The following HIBADH variants were observed in gnomAD, a reference collection of about 807,000 sequenced individuals.
HIBADH encodes 3-hydroxyisobutyrate dehydrogenase, mitochondrial.
Under a neutral mutation model 36.1 loss-of-function variants are expected in HIBADH, and 25 were observed. That is an observed-to-expected ratio of 0.69 (90% confidence interval 0.50 to 0.97). The LOEUF (loss-of-function observed/expected upper bound fraction) is 0.97. HIBADH is among the 50% of genes least tolerant of loss of function. HIBADH has a pLI of 0.00. For synonymous variants in HIBADH, 160 were observed against 149.5 expected (o/e 1.07, Z -0.51); for missense variants, 421 against 418.0 (o/e 1.01, Z -0.06).
chr7:27,586,615 T>G (rs1028041689), intron 4 of HIBADH, among the ~76,000 whole-genome samples: 3 of 150,236 alleles, frequency 2.0e-5, no homozygotes, highest in Non-Finnish European at 4.4e-5. Context: ...TGACCAGAAA[T>G]GAAGGGGAAG....
intron 1 of HIBADH, among the ~76,000 whole-genome samples, chr7:27,652,958 G>A (rs1399874780): frequency 6.6e-6 from 1 of 152,032 alleles, no homozygotes; most frequent in Non-Finnish European, 1.5e-5. Flanking sequence ...GTGAAACCCA[G>A]TCTTTACTAA....
At chr7:27,559,390 G>A (rs909532677) in intron 4 of HIBADH, among the ~76,000 whole-genome samples, 1 of 152,166 alleles carries the variant, frequency 6.6e-6, no homozygotes, top group African/African-American at 2.4e-5. Context: ...ATGAGACCAA[G>A]GCAGGGGGAT....
chr7:27,573,393 C>CAATT (rs138487276), intron 4 of HIBADH, among the ~76,000 whole-genome samples: 326 of 152,270 alleles, frequency 2.1e-3, no homozygotes, highest in African/African-American at 7.6e-3. Flanking sequence ...TCTGTTATGG[C>CAATT]AATTACCGAT....
chr7:27,538,433 G>A lies in HIBADH; in HGVS notation c.619-16C>T, dbSNP rs748646570. The A allele has an allele frequency of 6.2e-7, 1 of 1,605,044 alleles. No homozygotes were observed. The highest frequency in any genetic ancestry group is 1.1e-5 in the South Asian group (1 of 90,864). On this transcript the variant is annotated splice_polypyrimidine_tract_variant and intron_variant, in intron 5 of 7. Transcript: ENST00000265395. ...TCTTTGCCGCCTGAAAATAAATTGA[G>A]TACATATTAAATATCTGTATTTTCA...
At chr7:27,646,885 G>A (rs1329217294) in intron 2 of HIBADH, among the ~76,000 whole-genome samples, 4 of 151,812 alleles carry the variant, frequency 2.6e-5, no homozygotes, top group South Asian at 2.1e-4. Context: ...TAGTAGAGCC[G>A]GGGTTTCGCC....
At chr7:27,626,470 T>C (rs1273740569) in intron 4 of HIBADH, among the ~76,000 whole-genome samples, 3 of 152,130 alleles carry the variant, frequency 2.0e-5, no homozygotes, top group Non-Finnish European at 4.4e-5. Context: ...TTCTTTCTAA[T>C]AAGGATAATG....
At chr7:27,593,547 C>T (rs938790142) in intron 4 of HIBADH, among the ~76,000 whole-genome samples, 5 of 152,126 alleles carry the variant, frequency 3.3e-5, no homozygotes, top group South Asian at 4.1e-4. Context: ...TCCTTCAAAC[C>T]AAAGCTACCA....
intron 4 of HIBADH, among the ~76,000 whole-genome samples, chr7:27,603,243 T>C (rs1183132006): frequency 1.3e-5 from 2 of 152,170 alleles, no homozygotes; most frequent in East Asian, 3.8e-4. Flanking sequence ...CCAGAATCCA[T>C]AGTGTTAAAA....
chr7:27,535,755 CTTTT>C (rs201314026), intron 6 of HIBADH, among the ~76,000 whole-genome samples: 1 of 145,374 alleles, frequency 6.9e-6, no homozygotes, highest in Non-Finnish European at 1.5e-5. Flanking sequence ...TTACTCTTTA[CTTTT>C]TTTTTTTAAC....
intron 4 of HIBADH, among the ~76,000 whole-genome samples, chr7:27,559,751 T>C (rs1784439591): frequency 6.6e-6 from 1 of 152,240 alleles, no homozygotes; most frequent in Non-Finnish European, 1.5e-5. Context: ...AAACGTTTTA[T>C]CTGTGGCCAG....
intron 4 of HIBADH, among the ~76,000 whole-genome samples, chr7:27,590,538 C>T (rs758562442): frequency 6.6e-6 from 1 of 152,142 alleles, no homozygotes; most frequent in African/African-American, 2.4e-5. Context: ...TCTCATGGAA[C>T]CAAGTCAGCA....
At chr7:27,549,815 A>G (rs1334312365) in intron 4 of HIBADH, among the ~76,000 whole-genome samples, 2 of 152,234 alleles carry the variant, frequency 1.3e-5, no homozygotes, top group East Asian at 3.8e-4. Flanking sequence ...TTTATTTGAT[A>G]TAAGAATGAA....
intron 1 of HIBADH, among the ~76,000 whole-genome samples, chr7:27,660,814 A>T (rs1786401838): frequency 6.6e-6 from 1 of 152,214 alleles, no homozygotes; most frequent in African/African-American, 2.4e-5. Flanking sequence ...CATATGCCAA[A>T]GTAGTCTAAT....
chr7:27,596,899 G>A (rs1785042259), intron 4 of HIBADH, among the ~76,000 whole-genome samples: 1 of 152,046 alleles, frequency 6.6e-6, no homozygotes, highest in African/African-American at 2.4e-5. Flanking sequence ...ATATGCTCAA[G>A]CTGTATATAT....
intron 6 of HIBADH, among the ~76,000 whole-genome samples, chr7:27,537,980 C>A (rs1220949244): frequency 2.6e-5 from 4 of 152,090 alleles, no homozygotes; most frequent in Non-Finnish European, 5.9e-5. Flanking sequence ...AAAACCATGT[C>A]TTATACAAAT....
chr7:27,655,198 T>C (rs1232986319), intron 1 of HIBADH, among the ~76,000 whole-genome samples: 1 of 152,154 alleles, frequency 6.6e-6, no homozygotes, highest in Non-Finnish European at 1.5e-5. Flanking sequence ...GAAGTCTGAA[T>C]GGATCCTGAC....
intron 4 of HIBADH, among the ~76,000 whole-genome samples, chr7:27,581,210 A>G (rs1004242071): frequency 1.3e-5 from 2 of 152,218 alleles, no homozygotes; most frequent in Non-Finnish European, 2.9e-5. Context: ...CAACATGGTC[A>G]TCCATTTACT....
At chr7:27,592,006 A>T (rs1326773071) in intron 4 of HIBADH, among the ~76,000 whole-genome samples, 1 of 152,330 alleles carries the variant, frequency 6.6e-6, no homozygotes, top group East Asian at 1.9e-4. Context: ...TCAAACTTCC[A>T]TATTTAAGCA....
At chr7:27,592,373 G>A (rs1321341978) in intron 4 of HIBADH, among the ~76,000 whole-genome samples, 8 of 152,260 alleles carry the variant, frequency 5.3e-5, no homozygotes, top group African/African-American at 1.9e-4. Context: ...TTAAGATAAC[G>A]AAGAGACTAT....
Sources: gnomAD v4.1 joint callset for allele counts (sites outside exome capture counted in the v4.1 genomes callset) on GRCh38, gnomAD v4.1.1 for gene constraint, MANE v1.5 for transcripts, NCBI Gene and HGNC (gene_info 2026-07-23, HGNC 2026-07-21) for gene names.